The following TMEM87B variants were observed in gnomAD, a reference collection of about 807,000 sequenced individuals.
TMEM87B encodes transmembrane protein 87B.
Under a neutral mutation model 80.3 loss-of-function variants are expected in TMEM87B, and 83 were observed. That is an observed-to-expected ratio of 1.03 (90% CI 0.87 to 1.24). The LOEUF (loss-of-function observed/expected upper bound fraction) is 1.24, where lower values mean the gene tolerates loss of function less well. Among genes scored for constraint, TMEM87B ranks in the 50% most tolerant of loss-of-function variants. The pLI is 0.00. For synonymous variants in TMEM87B, 219 were observed against 230.5 expected, an observed-to-expected ratio of 0.95 and a Z score of 0.45; for missense variants, 625 against 674.4, an observed-to-expected ratio of 0.93 and a Z score of 0.81.
chr2:112,064,144 C>G lies in TMEM87B; in HGVS notation c.227-18C>G, dbSNP rs998241363. On this transcript the variant is annotated intron_variant, in intron 2 of 18. Coordinates refer to ENST00000283206, the MANE Select transcript of TMEM87B (RefSeq NM_032824.3). ...TATGTATTATTCATGTAAAACAAGA[C>G]TTTCTTTTTCTAAACAGTTAAGTCA... 2.5e-6 allele frequency: 4 copies of G among 1,606,504 alleles called. No homozygotes were observed. The highest frequency in any genetic ancestry group is 3.4e-6 in the Non-Finnish European group (4 of 1,175,440).
intron 15 of TMEM87B, among the ~76,000 whole-genome samples, chr2:112,103,820 G>A (rs1244118705): frequency 6.6e-6 from 1 of 152,164 alleles, no homozygotes; most frequent in Non-Finnish European, 1.5e-5. Flanking sequence ...AATAAAATTA[G>A]TGGATTTATA....
chr2:112,072,598 G>A (rs1017736862), intron 4 of TMEM87B, among the ~76,000 whole-genome samples: 4 of 152,146 alleles, frequency 2.6e-5, no homozygotes, highest in Admixed American at 2.6e-4. Context: ...CTGTATTTCT[G>A]TGGGCTCAGT....
chr2:112,089,843 C>G, intron 10 of TMEM87B, 125 bp downstream of exon 10: 1 of 830,312 alleles, frequency 1.2e-6, no homozygotes, highest in African/African-American at 1.7e-5. Flanking sequence ...AACTTTTCTT[C>G]TATGGGATGT....
intron 9 of TMEM87B, among the ~76,000 whole-genome samples, chr2:112,087,179 CCTT>C (rs1322979446): frequency 2.6e-5 from 4 of 151,910 alleles, no homozygotes; most frequent in Non-Finnish European, 4.4e-5. Flanking sequence ...TCTTTGTCAA[CCTT>C]CTTGACAAAA....
chr2:112,091,824 T>C, intron 11 of TMEM87B, 41 bp downstream of exon 11: 1 of 1,405,050 alleles, frequency 7.1e-7, no homozygotes, highest in Non-Finnish European at 1.0e-6. Context: ...TGTTGTATCA[T>C]GAAAATCAGA....
chr2:112,110,043 G>A (rs1679871848), intron 17 of TMEM87B, among the ~76,000 whole-genome samples: 1 of 152,172 alleles, frequency 6.6e-6, no homozygotes, highest in Admixed American at 6.5e-5. Context: ...TAGGATTACA[G>A]GCATGAGCCA....
intron 14 of TMEM87B, among the ~76,000 whole-genome samples, chr2:112,099,527 T>C (rs56063342): frequency 0.078 from 7,693 of 98,502 alleles, 391 homozygotes; most frequent in African/African-American, 0.19. Flanking sequence ...CAATAATACA[T>C]ATATATATAT....
At chr2:112,069,118 G>T (rs1425610148) in intron 4 of TMEM87B, among the ~76,000 whole-genome samples, 4 of 148,436 alleles carry the variant, frequency 2.7e-5, no homozygotes, top group Non-Finnish European at 4.4e-5. Flanking sequence ...CGTGAACCCG[G>T]GAAGCGGAGC....
chr2:112,098,537 G>A, intron 13 of TMEM87B, 58 bp from the exon 14 acceptor site: 1 of 1,511,084 alleles, frequency 6.6e-7, no homozygotes, highest in Non-Finnish European at 9.2e-7. Context: ...ATTTGAATGG[G>A]AAACCTATAT....
chr2:112,080,214 CTGT>C (rs1678949615), intron 6 of TMEM87B, among the ~76,000 whole-genome samples: 2 of 151,214 alleles, frequency 1.3e-5, no homozygotes, highest in African/African-American at 2.4e-5. Flanking sequence ...CAGGTGTGAG[CTGT>C]AACGCCCAGC....
intron 4 of TMEM87B, among the ~76,000 whole-genome samples, chr2:112,070,988 A>AT (rs1174083335): frequency 1.1e-4 from 17 of 150,798 alleles, no homozygotes; most frequent in East Asian, 4.0e-4. Flanking sequence ...TGCCCGGCTA[A>AT]TTTTTTGTAT....
chr2:112,066,981 C>A lies in TMEM87B; in HGVS notation c.364C>A (p.His122Asn). 6.2e-7 allele frequency: 1 copy of A among 1,611,286 alleles called. No individual in the cohort carries two copies. The highest frequency in any genetic ancestry group is 1.1e-5 in the South Asian group (1 of 90,186). Residue 122 changes from histidine (H) to asparagine (N), a missense_variant, in exon 4 of 19, where the codon CAT (histidine) becomes AAT (asparagine). By Grantham distance (68) the His-to-Asn change is moderately conservative (BLOSUM62 1). Coordinates refer to ENST00000283206, the MANE Select transcript of TMEM87B (RefSeq NM_032824.3). ...HKLSVDEDFC[H>N]YLKNDNCWTT... ...ACTTAGTGTTGATGAAGACTTTTGTCATTATTTGAAGAATGACAACTGTTG... is the reference window on the plus strand; with the variant it reads ...ACTTAGTGTTGATGAAGACTTTTGTAATTATTTGAAGAATGACAACTGTTG...
chr2:112,074,203 C>T (rs1678742177), intron 4 of TMEM87B, among the ~76,000 whole-genome samples: 1 of 152,036 alleles, frequency 6.6e-6, no homozygotes, highest in Non-Finnish European at 1.5e-5. Flanking sequence ...TTTTTAGTGG[C>T]TGGTAATGGT....
intron 15 of TMEM87B, among the ~76,000 whole-genome samples, chr2:112,104,386 A>G (rs890401509): frequency 4.6e-5 from 7 of 152,302 alleles, no homozygotes; most frequent in East Asian, 1.9e-4. Context: ...ATGATAACCT[A>G]TGTTGCAAAA....
At position 112,077,288 on chromosome 2, in the gene TMEM87B, GT is replaced by G; in HGVS notation, c.592+8del. 1 of 1,484,476 alleles carries G rather than the reference GT, an allele frequency of 6.7e-7. No individual in the cohort carries two copies. The highest frequency in any genetic ancestry group is 9.2e-7 in the Non-Finnish European group (1 of 1,084,738). 92.0% of individuals were successfully genotyped at this position (1,484,476 alleles called of 1,614,324 possible). A position where few individuals can be genotyped will look rare whatever the true frequency, so the allele number is the denominator to read the frequency against. ...TGCAAGCTGGAATTTGAATGGTATA[GT>G]TAAACTGCATGCATGTTTACTGTCT... On this transcript the variant is annotated splice_region_variant and intron_variant, in intron 6 of 18. Coordinates refer to ENST00000283206, the MANE Select transcript of TMEM87B (RefSeq NM_032824.3).
At chr2:112,069,148 C>T (rs1342825639) in intron 4 of TMEM87B, among the ~76,000 whole-genome samples, 2 of 149,054 alleles carry the variant, frequency 1.3e-5, no homozygotes, top group East Asian at 2.0e-4. Flanking sequence ...GCCGAGATTG[C>T]GCCACTGCAG....
intron 4 of TMEM87B, among the ~76,000 whole-genome samples, chr2:112,069,585 G>A (rs984036569): frequency 1.3e-5 from 2 of 152,170 alleles, no homozygotes; most frequent in Non-Finnish European, 2.9e-5. Context: ...AATTTAGGTT[G>A]ATTCCATATC....
In TMEM87B at chr2:112,082,056, C is replaced by T. The variant is rs144366723; in HGVS notation, c.838+538C>T. Among the ~76,000 whole-genome samples, 1,481 of 152,264 alleles carry T rather than the reference C, an allele frequency of 9.7e-3. 34 individuals carry two copies. The highest frequency in any genetic ancestry group is 0.034 in the African/African-American group (1,406 of 41,544). On this transcript the variant is annotated intron_variant, in intron 8 of 18. Coordinates refer to ENST00000283206, the MANE Select transcript of TMEM87B (RefSeq NM_032824.3). ...AGTTTACGCAGTGGAATATGTGAAG[C>T]AGGCAGGCCATACAGCTGGGCATCC...
At chr2:112,060,472 T>A (rs1285903169) in intron 2 of TMEM87B, among the ~76,000 whole-genome samples, 2 of 152,172 alleles carry the variant, frequency 1.3e-5, no homozygotes, top group Admixed American at 6.5e-5. Context: ...TGTTTTTAAG[T>A]AGTTCTAACA....
Sources: allele counts gnomAD v4.1 joint callset (sites outside exome capture counted in the v4.1 genomes callset), GRCh38; gene constraint gnomAD v4.1.1; transcripts MANE v1.5; gene names NCBI Gene and HGNC (gene_info 2026-07-23, HGNC 2026-07-21).